Variants in NRF1 observed in about 807,000 individuals in gnomAD.
NRF1 encodes alpha palindromic-binding protein.
A neutral mutation model predicts 58.5 loss-of-function variants in NRF1; 5 were observed. The observed-to-expected ratio is 0.09, with a 90% confidence interval of 0.04 to 0.18. NRF1 has a LOEUF of 0.18. NRF1 is among the 10% of genes least tolerant of loss of function. The probability of loss-of-function intolerance (pLI) is 1.00; values close to 1 mark genes in which losing one functional copy is unlikely to be tolerated. For missense variants in NRF1, 288 were observed against 657.7 expected, an observed-to-expected ratio of 0.44 and a Z score of 6.15; for synonymous variants, 224 against 246.7, an observed-to-expected ratio of 0.91 and a Z score of 0.86.
intron 10 of NRF1, among the ~76,000 whole-genome samples, chr7:129,745,549 T>G (rs989109165): frequency 8.3e-6 from 1 of 120,000 alleles, no homozygotes; most frequent in African/African-American, 3.1e-5. Flanking sequence ...ATGAAACTAG[T>G]CCCTGCTGCC....
At chr7:129,657,656 C>A in intron 2 of NRF1, 82 bp downstream of exon 2, 1 of 875,124 alleles carries the variant, frequency 1.1e-6, no homozygotes, top group Non-Finnish European at 1.7e-6. Context: ...GTTGCTCAGG[C>A]TGGGGTGCAG....
chr7:129,750,159 C>G (rs2116322183), intron 10 of NRF1, among the ~76,000 whole-genome samples: 1 of 152,250 alleles, frequency 6.6e-6, no homozygotes, highest in Non-Finnish European at 1.5e-5. Context: ...AGCACTTCCA[C>G]CCCTTAAAGT....
chr7:129,637,654 C>T (rs1801197040), intron 1 of NRF1, among the ~76,000 whole-genome samples: 1 of 152,162 alleles, frequency 6.6e-6, no homozygotes, highest in African/African-American at 2.4e-5. Flanking sequence ...AGACCACACT[C>T]ATTCTAGCAG....
chr7:129,727,123 A>G, intron 9 of NRF1, 118 bp from the exon 10 acceptor site: 4 of 1,009,618 alleles, frequency 4.0e-6, no homozygotes, highest in Non-Finnish European at 4.1e-6. Flanking sequence ...ATTTGCTGGT[A>G]GGATCACAAC....
chr7:129,641,351 GTA>G (rs199998111), intron 1 of NRF1, among the ~76,000 whole-genome samples: 3,398 of 152,102 alleles, frequency 0.022, 49 homozygotes, highest in Middle Eastern at 0.075. Context: ...TCAACTTCCT[GTA>G]GGGCCTCTTA....
At chr7:129,621,847 A>T in intron 1 of NRF1, among the ~76,000 whole-genome samples, 1 of 142,808 alleles carries the variant, frequency 7.0e-6, no homozygotes, top group African/African-American at 2.7e-5. Context: ...CAGTGGCATG[A>T]TCTTGGCTCA....
intron 1 of NRF1, among the ~76,000 whole-genome samples, chr7:129,636,776 G>A (rs74508636): frequency 0.022 from 3,358 of 152,204 alleles, 127 homozygotes; most frequent in African/African-American, 0.078. Context: ...AGATACGTAT[G>A]GCTAAACATA....
chr7:129,731,736 G>A (rs751888426), intron 10 of NRF1, among the ~76,000 whole-genome samples: 4 of 152,008 alleles, frequency 2.6e-5, no homozygotes, highest in African/African-American at 4.8e-5. Flanking sequence ...CTACTGAGAC[G>A]CTGGGACCAC....
At chr7:129,657,293 T>G (rs949510605) in intron 1 of NRF1, 53 bp from the exon 2 acceptor site, 4 of 1,283,654 alleles carry the variant, frequency 3.1e-6, no homozygotes, top group South Asian at 1.2e-5. Flanking sequence ...GTTTAAACAT[T>G]GTGTTATATT....
chr7:129,751,893 C>T (rs540573852), intron 10 of NRF1, among the ~76,000 whole-genome samples: 106 of 152,298 alleles, frequency 7.0e-4, no homozygotes, highest in African/African-American at 2.4e-3. Flanking sequence ...TAGGAGGAGG[C>T]GGGGGACTGA....
chr7:129,629,578 A>G (rs529339646), intron 1 of NRF1, among the ~76,000 whole-genome samples: 2 of 152,188 alleles, frequency 1.3e-5, no homozygotes, highest in Non-Finnish European at 2.9e-5. Context: ...CCCGGCCCGC[A>G]CACACGCTTT....
chr7:129,637,949 C>A (rs772783297), intron 1 of NRF1, among the ~76,000 whole-genome samples: 1 of 151,678 alleles, frequency 6.6e-6, no homozygotes, highest in Non-Finnish European at 1.5e-5. Context: ...ATTCTTCCAA[C>A]GTGGCCTGGG....
In NRF1 at chr7:129,677,091, A is replaced by G. The variant is rs982923033; in HGVS notation, c.339-541A>G. Among the ~76,000 whole-genome samples the G allele has an allele frequency of 6.2e-5, 9 of 145,010 alleles. 1 individual carries two copies. The highest frequency in any genetic ancestry group is 1.3e-4 in the Non-Finnish European group (9 of 67,068). The stretch of plus-strand genomic sequence containing the variant: ...AGTGGCACCATCTTGGTTCACTGCA[A>G]CCTCCACCTCCTGGATTCAAGCAAT... On this transcript the variant is annotated intron_variant, in intron 3 of 10. Transcript: ENST00000393232.
intron 1 of NRF1, among the ~76,000 whole-genome samples, chr7:129,619,500 A>G (rs201966641): frequency 0.011 from 1,089 of 98,282 alleles, 25 homozygotes; most frequent in Admixed American, 0.018. Context: ...GTATATATAT[A>G]TATATATATA....
At chr7:129,705,654 A>T (rs939226417) in intron 5 of NRF1, among the ~76,000 whole-genome samples, 3 of 152,120 alleles carry the variant, frequency 2.0e-5, no homozygotes, top group Admixed American at 2.0e-4. Context: ...ACTGACTCAC[A>T]CCTGAAATCC....
intron 1 of NRF1, among the ~76,000 whole-genome samples, chr7:129,613,383 A>G (rs1800585655): frequency 6.6e-6 from 1 of 152,182 alleles, no homozygotes; most frequent in African/African-American, 2.4e-5. Context: ...TAAGACAGTG[A>G]AAATATGACT....
chr7:129,681,822 C>T (rs1430915058), intron 4 of NRF1, among the ~76,000 whole-genome samples: 2 of 86,854 alleles, frequency 2.3e-5, no homozygotes, highest in East Asian at 3.2e-4. Flanking sequence ...TACAGTGGCT[C>T]ATGCCTGTAA....
chr7:129,752,773 G>T (rs1248905570), intron 10 of NRF1, among the ~76,000 whole-genome samples: 1 of 152,214 alleles, frequency 6.6e-6, no homozygotes, highest in Non-Finnish European at 1.5e-5. Context: ...ATTAATTAAA[G>T]ACAGTTAAGA....
At chr7:129,731,859 C>T (rs548565750) in intron 10 of NRF1, among the ~76,000 whole-genome samples, 6 of 152,246 alleles carry the variant, frequency 3.9e-5, no homozygotes, top group East Asian at 3.9e-4. Flanking sequence ...ATGATCCTCC[C>T]GCCTTAGTCT....
Sources: gnomAD v4.1 joint callset for allele counts (sites outside exome capture counted in the v4.1 genomes callset) on GRCh38, gnomAD v4.1.1 for gene constraint, MANE v1.5 for transcripts, NCBI Gene and HGNC (gene_info 2026-07-23, HGNC 2026-07-21) for gene names.